The following CDH12 variants were observed in gnomAD, a reference collection of about 807,000 sequenced individuals.
CDH12 encodes cadherin-12.
A neutral mutation model predicts 74.1 loss-of-function variants in CDH12; 41 were observed. The ratio of observed to expected loss-of-function variants is 0.55; its 90% CI spans 0.43 to 0.72. The LOEUF (loss-of-function observed/expected upper bound fraction) is 0.72. Among genes scored for constraint, CDH12 ranks in the 30% least tolerant of loss-of-function variants. The probability of loss-of-function intolerance (pLI) is 0.00; values close to 1 mark genes in which losing one functional copy is unlikely to be tolerated. For synonymous variants in CDH12, 399 were observed against 355.0 expected (o/e 1.12, Z -1.39); for missense variants, 945 against 977.2 (o/e 0.97, Z 0.44).
In CDH12 at chr5:21,751,933, G is replaced by A. The variant is rs1293659791; in HGVS notation, c.2189C>T (p.Ala730Val). 1.2e-6 allele frequency: 2 copies of A among 1,613,828 alleles called. No homozygotes were observed. The highest frequency in any genetic ancestry group is 3.3e-5 in the Admixed American group (2 of 59,970). ...RLQENDVDPT[A>V]PPYDSLATYA... The stretch of plus-strand genomic sequence containing the variant: ...TGTGGCCAGTGAATCGTATGGTGGG[G>A]CAGTTGGATCCACATCATTTTCCTG... The change falls in exon 15 of 15, where the codon GCC becomes GTC. Residue 730 changes from alanine to valine, a missense_variant. Physicochemically the swap from Ala to Val is moderately conservative, Grantham distance 64. Around this residue, in one of 3 missense-constraint regions of CDH12, gnomAD observed 791 missense variants for 792.8 expected, o/e 1.00. Transcript: ENST00000382254.
intron 6 of CDH12, among the ~76,000 whole-genome samples, chr5:21,861,541 C>A (rs1422164966): frequency 1.3e-5 from 2 of 151,946 alleles, no homozygotes; most frequent in African/African-American, 4.8e-5. Flanking sequence ...TTTCTTGAAC[C>A]TTATTTTATT....
In CDH12 at chr5:21,827,219, T is replaced by C. The variant is rs376591655; in HGVS notation, c.815-10087A>G. On this transcript the variant is annotated intron_variant, in intron 8 of 14. Transcript: ENST00000382254. ...GCTGCCTGAAAGTCAACCAAATAGA[T>C]ACAATATTTGGTTGATCCATAAGAT... 7.9e-5 allele frequency among the ~76,000 whole-genome samples: 12 copies of C among 152,162 alleles called. 1 individual carries two copies. Among genetic ancestry groups the C allele is most frequent in the Admixed American group, 7.2e-4 (11 of 15,266 alleles).
intron 3 of CDH12, among the ~76,000 whole-genome samples, chr5:22,359,233 A>C (rs1401445509): frequency 6.6e-6 from 1 of 152,228 alleles, no homozygotes; most frequent in East Asian, 1.9e-4. Context: ...GGATGGAGGA[A>C]GATCTACCAA....
chr5:21,752,228 C>T lies in CDH12; in HGVS notation c.1894G>A (p.Val632Ile). 1 of 1,596,138 alleles carries T rather than the reference C, an allele frequency of 6.3e-7. No individual in the cohort carries two copies. The highest frequency in any genetic ancestry group is 1.1e-5 in the South Asian group (1 of 88,376). The change falls in exon 15 of 15, where the codon GTA (valine) becomes ATA (isoleucine). Residue 632 changes from valine to isoleucine, a missense_variant. Physicochemically the swap from Val to Ile is conservative, Grantham distance 29 (BLOSUM62 3). Transcript: ENST00000382254. ...LCIVILLAIV[V>I]LYVALRRQKK... ...TGCCTTCGCAGTGCTACATACAGTA[C>T]AACTATGGCTGGAACAAGACAAAAA...
chr5:22,517,301 T>C (rs1736853587), intron 1 of CDH12, among the ~76,000 whole-genome samples: 1 of 151,940 alleles, frequency 6.6e-6, no homozygotes. Flanking sequence ...AATACTTATT[T>C]AATTAATATT....
intron 4 of CDH12, among the ~76,000 whole-genome samples, chr5:22,153,858 G>GTGTGTGTGTATA (rs1747787347): frequency 2.9e-5 from 3 of 103,266 alleles, no homozygotes; most frequent in Non-Finnish European, 3.8e-5. Flanking sequence ...ATGTGTGTGT[G>GTGTGTGTGTATA]TATATATATA....
chr5:22,035,010 C>T (rs1037344321), intron 5 of CDH12, among the ~76,000 whole-genome samples: 7 of 152,092 alleles, frequency 4.6e-5, no homozygotes, highest in Non-Finnish European at 1.0e-4. Context: ...AATGAAATAA[C>T]ATTGAAAAAA....
intron 5 of CDH12, among the ~76,000 whole-genome samples, chr5:22,078,164 A>G (rs539855224): frequency 4.3e-4 from 65 of 152,276 alleles, no homozygotes; most frequent in African/African-American, 1.4e-3. Flanking sequence ...TAACATTTTC[A>G]TACTTTAACT....
chr5:22,095,770 C>A (rs1306515913), intron 4 of CDH12, among the ~76,000 whole-genome samples: 1 of 151,850 alleles, frequency 6.6e-6, no homozygotes, highest in Non-Finnish European at 1.5e-5. Context: ...GCACCCCGAT[C>A]CCTTAATTCC....
chr5:22,530,981 A>G (rs1020167647), intron 1 of CDH12, among the ~76,000 whole-genome samples: 1 of 152,138 alleles, frequency 6.6e-6, no homozygotes, highest in African/African-American at 2.4e-5. Flanking sequence ...TCTTCATTAC[A>G]GAACTTACAT....
intron 3 of CDH12, among the ~76,000 whole-genome samples, chr5:22,288,673 A>T (rs1737259651): frequency 6.6e-6 from 1 of 152,142 alleles, no homozygotes. Context: ...ATATGCTGAG[A>T]TTTAAAGTCT....
At chr5:22,006,637 T>G (rs1016396745) in intron 5 of CDH12, among the ~76,000 whole-genome samples, 1 of 152,186 alleles carries the variant, frequency 6.6e-6, no homozygotes, top group Non-Finnish European at 1.5e-5. Context: ...TACAAACTAA[T>G]AGGTGAGAGA....
chr5:22,654,769 T>C (rs938806740), intron 1 of CDH12, among the ~76,000 whole-genome samples: 1 of 151,824 alleles, frequency 6.6e-6, no homozygotes, highest in Admixed American at 6.6e-5. Context: ...CAAGTACCTT[T>C]ACAGGCATGC....
chr5:22,802,049 T>C (rs1012341744), intron 1 of CDH12, among the ~76,000 whole-genome samples: 3 of 152,094 alleles, frequency 2.0e-5, no homozygotes, highest in Non-Finnish European at 4.4e-5. Flanking sequence ...CTAAAATTGT[T>C]TCTCCCAATT....
intron 3 of CDH12, among the ~76,000 whole-genome samples, chr5:22,400,236 T>A (rs1193536231): frequency 6.6e-6 from 1 of 152,132 alleles, no homozygotes. Flanking sequence ...TTGTTTTTTT[T>A]ATTGTATGCT....
chr5:22,584,835 G>A (rs1189700325), intron 1 of CDH12, among the ~76,000 whole-genome samples: 1 of 151,624 alleles, frequency 6.6e-6, no homozygotes, highest in African/African-American at 2.4e-5. Context: ...TGTGTTCATC[G>A]TCATTTTTAC....
intron 3 of CDH12, among the ~76,000 whole-genome samples, chr5:22,353,651 T>G (rs1349457119): frequency 6.6e-6 from 1 of 152,146 alleles, no homozygotes; most frequent in African/African-American, 2.4e-5. Context: ...GGTCCTATTA[T>G]AGTAAAAAAA....
chr5:22,122,224 G>A (rs1244695068), intron 4 of CDH12, among the ~76,000 whole-genome samples: 1 of 152,032 alleles, frequency 6.6e-6, no homozygotes, highest in Non-Finnish European at 1.5e-5. Context: ...CCAACATGGT[G>A]AAACCCCGTC....
At chr5:22,768,954 G>A (rs1389911374) in intron 1 of CDH12, among the ~76,000 whole-genome samples, 3 of 152,008 alleles carry the variant, frequency 2.0e-5, no homozygotes, top group East Asian at 1.9e-4. Context: ...TGAATAACTC[G>A]CTAAAGAATT....
Sources: gnomAD v4.1 joint callset for allele counts (sites outside exome capture counted in the v4.1 genomes callset) on GRCh38, gnomAD v4.1.1 for gene constraint, gnomAD v4.1.1 regional missense constraint, MANE v1.5 for transcripts, NCBI Gene and HGNC (gene_info 2026-07-23, HGNC 2026-07-21) for gene names.